Variants in YES1 observed in about 807,000 individuals in gnomAD.
The protein encoded by YES1 is YES proto-oncogene 1, Src family tyrosine kinase.
YES1 carries 39 observed loss-of-function variants against 70.4 expected under a neutral mutation model. The observed-to-expected ratio is 0.55, with a 90% CI of 0.43 to 0.72. YES1 has a LOEUF of 0.72. Ranked by LOEUF, YES1 falls within the 30% of genes least tolerant of loss-of-function variation. The probability of loss-of-function intolerance (pLI) is 0.00; values close to 1 mark genes in which losing one functional copy is unlikely to be tolerated. For synonymous variants in YES1, 198 were observed against 218.6 expected (o/e 0.91, Z 0.83); for missense variants, 495 against 644.8 (o/e 0.77, Z 2.52).
chr18:732,200 A>G (rs1276718522), intron 11 of YES1, among the ~76,000 whole-genome samples: 3 of 152,018 alleles, frequency 2.0e-5, no homozygotes, highest in Admixed American at 2.0e-4. Flanking sequence ...GCACTTTGGG[A>G]GGCCTAGGCA....
intron 6 of YES1, among the ~76,000 whole-genome samples, chr18:744,795 G>A (rs1022024459): frequency 6.7e-6 from 1 of 148,912 alleles, no homozygotes; most frequent in Admixed American, 6.8e-5. Flanking sequence ...CAGTAGTTGG[G>A]ATTAAAGGCA....
intron 3 of YES1, among the ~76,000 whole-genome samples, chr18:750,142 G>C (rs1231289084): frequency 6.6e-6 from 1 of 152,108 alleles, no homozygotes; most frequent in Non-Finnish European, 1.5e-5. Context: ...TCTAGAAAAT[G>C]AATGAAAAAT....
intron 6 of YES1, among the ~76,000 whole-genome samples, chr18:745,231 TCTATAATTG>T (rs2145712825): frequency 6.6e-6 from 1 of 152,286 alleles, no homozygotes; most frequent in Non-Finnish European, 1.5e-5. Context: ...GACAAAAATG[TCTATAATTG>T]CTATAGGTTA....
intron 1 of YES1, among the ~76,000 whole-genome samples, chr18:786,768 G>A (rs1218571402): frequency 3.9e-5 from 6 of 152,012 alleles, no homozygotes; most frequent in Non-Finnish European, 7.4e-5. Flanking sequence ...AAGCTCCAAG[G>A]ACCATATCTC....
rs1401761207 is a variant in YES1, at chr18:804,631, G to C, written c.-9+7483C>G. Among the ~76,000 whole-genome samples the C allele has an allele frequency of 4.4e-3, 364 of 81,816 alleles. 3 individuals carry two copies. The highest frequency in any genetic ancestry group is 0.016 in the African/African-American group (346 of 21,760). The allele number at this position is 81,816 out of a possible 152,430, so 53.7% of individuals were successfully genotyped here. A position where few individuals can be genotyped will look rare whatever the true frequency, so the allele number is the denominator to read the frequency against. Reference sequence around the variant, plus strand: ...TCTCAAAAAAAAAAAAAAAAAAAAAGGCCAGCTGAGGTGGCTCACACCTGT... The same window carrying C: ...TCTCAAAAAAAAAAAAAAAAAAAAACGCCAGCTGAGGTGGCTCACACCTGT... On this transcript the variant is annotated intron_variant, in intron 1 of 11. Coordinates refer to ENST00000314574, the MANE Select transcript of YES1 (RefSeq NM_005433.4).
chr18:742,056 A>G (rs1216456637), intron 8 of YES1, among the ~76,000 whole-genome samples: 1 of 152,142 alleles, frequency 6.6e-6, no homozygotes, highest in Non-Finnish European at 1.5e-5. Flanking sequence ...ATTGACCAAG[A>G]CACACCACTG....
At chr18:725,859 G>C (rs112462503) in intron 11 of YES1, among the ~76,000 whole-genome samples, 5,898 of 152,234 alleles carry the variant, frequency 0.039, 151 homozygotes, top group East Asian at 0.11. Flanking sequence ...ACTCCAGCCT[G>C]GGTGACAGAG....
intron 1 of YES1, among the ~76,000 whole-genome samples, chr18:772,581 C>T (rs868678579): frequency 2.6e-5 from 4 of 151,796 alleles, no homozygotes; most frequent in African/African-American, 4.8e-5. Flanking sequence ...TACAGGCACA[C>T]GCCACCATGC....
intron 11 of YES1, among the ~76,000 whole-genome samples, chr18:727,081 A>G (rs1394376675): frequency 6.6e-6 from 1 of 152,192 alleles, no homozygotes; most frequent in African/African-American, 2.4e-5. Flanking sequence ...GGTAATCTAC[A>G]AATCGTTTAT....
In YES1 at chr18:746,196, TTTTA is replaced by T. The variant is rs1208020236; in HGVS notation, c.471-149_471-146del. On this transcript the variant is annotated intron_variant, in intron 4 of 11. Transcript: ENST00000314574. ...CTCAAAATACAGGAAAATGTAAGAG[TTTTA>T]TTGATTAAATAGTAATATCACAAAT... 2.1e-5 allele frequency: 13 copies of T among 626,096 alleles called. No individual in the cohort carries two copies. The African/African-American group carries it at 2.4e-4, about 12-fold the overall frequency. The allele number at this position is 626,096 out of a possible 1,614,324, so 38.8% of individuals were successfully genotyped here.
intron 11 of YES1, among the ~76,000 whole-genome samples, chr18:730,200 T>A (rs970230132): frequency 6.6e-6 from 1 of 152,080 alleles, no homozygotes; most frequent in Non-Finnish European, 1.5e-5. Context: ...TCTATCCAGT[T>A]TGGCTGGGCA....
rs2079992839 is a variant in YES1, at chr18:724,371, C to T, written c.*53G>A. On this transcript the variant is annotated 3_prime_UTR_variant, in exon 12 of 12. Coordinates refer to ENST00000314574, the MANE Select transcript of YES1 (RefSeq NM_005433.4). ...TCTTTTGATTCCTGTAGAAAATCTACACAAGTTCTTTATATTTTGGCAGAT... is the reference window on the plus strand; with the variant it reads ...TCTTTTGATTCCTGTAGAAAATCTATACAAGTTCTTTATATTTTGGCAGAT... 4 of 1,490,084 alleles carry T rather than the reference C, an allele frequency of 2.7e-6. No homozygotes were observed. The highest frequency in any genetic ancestry group is 1.2e-5 in the South Asian group (1 of 84,432). 92.3% of individuals were successfully genotyped at this position (1,490,084 alleles called of 1,614,324 possible).
At chr18:766,348 A>G (rs548997073) in intron 1 of YES1, among the ~76,000 whole-genome samples, 1 of 152,238 alleles carries the variant, frequency 6.6e-6, no homozygotes, top group East Asian at 1.9e-4. Flanking sequence ...GATGATGCCT[A>G]GATCAAATGA....
rs1015287001 is a variant in YES1, at chr18:753,738, G to A, written c.272-1934C>T. ...TGACCTCAAGTGATCTACCTGAGTC[G>A]GCCTCCCAAAGTGCTAGAATTAAAG... On this transcript the variant is annotated intron_variant, in intron 2 of 11. Transcript: ENST00000314574. Among the ~76,000 whole-genome samples the A allele has an allele frequency of 5.3e-5, 8 of 152,226 alleles. No homozygotes were observed. The East Asian group carries it at 5.8e-4, about 11-fold the overall frequency.
At chr18:786,240 C>T (rs1439183740) in intron 1 of YES1, among the ~76,000 whole-genome samples, 2 of 126,686 alleles carry the variant, frequency 1.6e-5, no homozygotes, top group Admixed American at 9.8e-5. Context: ...ATCACCAGGA[C>T]TCAAAAGATA....
At chr18:802,544 CA>C (rs200573604) in intron 1 of YES1, among the ~76,000 whole-genome samples, 8,962 of 83,078 alleles carry the variant, frequency 0.11, 357 homozygotes, top group African/African-American at 0.2. Flanking sequence ...AACTCCATCT[CA>C]AAAAAAAAAA....
At chr18:739,951 C>G in intron 8 of YES1, 140 bp from the exon 9 acceptor site, 2 of 640,602 alleles carry the variant, frequency 3.1e-6, no homozygotes, top group Non-Finnish European at 2.5e-6. Flanking sequence ...TTTGCAGTTT[C>G]CAAATAATTA....
chr18:755,661 A>G (rs1488027038), intron 2 of YES1, among the ~76,000 whole-genome samples: 1 of 152,150 alleles, frequency 6.6e-6, no homozygotes, highest in South Asian at 2.1e-4. Flanking sequence ...TAATGAGGAC[A>G]TATATTGCTT....
chr18:731,173 G>T (rs915071450), intron 11 of YES1, among the ~76,000 whole-genome samples: 2 of 152,160 alleles, frequency 1.3e-5, no homozygotes, highest in African/African-American at 4.8e-5. Flanking sequence ...TGAAAGGGTT[G>T]CAGTTATTGG....
Sources: gnomAD v4.1 joint callset for allele counts (sites outside exome capture counted in the v4.1 genomes callset) on GRCh38, gnomAD v4.1.1 for gene constraint, MANE v1.5 for transcripts, NCBI Gene and HGNC (gene_info 2026-07-23, HGNC 2026-07-21) for gene names.